Variants in OR2L13 observed in about 807,000 individuals in gnomAD.
The protein encoded by OR2L13 is olfactory receptor 2L13.
A neutral mutation model predicts 15.3 loss-of-function variants in OR2L13; 14 were observed. That is an observed-to-expected ratio of 0.91 (90% CI 0.60 to 1.43). OR2L13 has a LOEUF of 1.43. Ranked by LOEUF, OR2L13 falls within the 40% of genes most tolerant of loss-of-function variation. OR2L13 has a pLI of 0.00. For missense variants in OR2L13, 367 were observed against 387.9 expected, an observed-to-expected ratio of 0.95 and a Z score of 0.45; for synonymous variants, 152 against 142.9, an observed-to-expected ratio of 1.06 and a Z score of -0.45.
At chr1:248,091,515 C>A (rs1367913082), upstream of OR2L13, among the ~76,000 whole-genome samples, 1 of 151,626 alleles carries the variant, frequency 6.6e-6, no homozygotes, top group Admixed American at 6.6e-5. Context: ...GCTAGTTATC[C>A]CAGCACCATT....
At chr1:248,034,533 G>A in the OR2L13 span, among the ~76,000 whole-genome samples, 3 of 152,094 alleles carry the variant, frequency 2.0e-5, no homozygotes, top group Admixed American at 6.6e-5. Context: ...AATTTTCATA[G>A]ATTCCATTGA....
the OR2L13 span, among the ~76,000 whole-genome samples, chr1:248,050,776 T>C: frequency 7.2e-5 from 11 of 152,180 alleles, no homozygotes; most frequent in African/African-American, 2.4e-4. Flanking sequence ...GTAATATAAA[T>C]TACGGAGTAT....
At chr1:248,095,443 A>G (rs1338875858), upstream of OR2L13, among the ~76,000 whole-genome samples, 1 of 151,942 alleles carries the variant, frequency 6.6e-6, no homozygotes, top group Non-Finnish European at 1.5e-5. Flanking sequence ...GATAAAGAAG[A>G]GATTCTCACT....
At chr1:248,095,607 C>CT (rs780686820), upstream of OR2L13, among the ~76,000 whole-genome samples, 99 of 37,304 alleles carry the variant, frequency 2.7e-3, 24 homozygotes, top group African/African-American at 5.0e-3. Context: ...AAAGCTGCTG[C>CT]TTTTTTTTTT....
At chr1:248,029,410 T>C in the OR2L13 span, among the ~76,000 whole-genome samples, 4 of 152,008 alleles carry the variant, frequency 2.6e-5, no homozygotes, top group Non-Finnish European at 4.4e-5. Flanking sequence ...AAATAAGAAA[T>C]TTGAGAACAT....
At chr1:247,982,373 A>G in the OR2L13 span, among the ~76,000 whole-genome samples, 1 of 152,242 alleles carries the variant, frequency 6.6e-6, no homozygotes, top group East Asian at 1.9e-4. Flanking sequence ...TAGTTGAAAA[A>G]TCTTTGTCTT....
At chr1:248,084,121 C>T in the OR2L13 span, 6 of 1,611,748 alleles carry the variant, frequency 3.7e-6, no homozygotes, top group Admixed American at 8.3e-5. Flanking sequence ...AGGGTAGCAA[C>T]AGCCTGCAGG....
At chr1:247,977,488 C>T in the OR2L13 span, among the ~76,000 whole-genome samples, 3 of 151,922 alleles carry the variant, frequency 2.0e-5, no homozygotes, top group Non-Finnish European at 4.4e-5. Flanking sequence ...TTTTAGACAC[C>T]GTCTTACTGT....
At chr1:248,040,797 G>A in the OR2L13 span, 1 of 152,082 alleles carries the variant, frequency 6.6e-6, no homozygotes, top group Non-Finnish European at 1.5e-5. Context: ...CTACTGCTTG[G>A]CGGTCAGTGA....
chr1:248,055,994 G>T, the OR2L13 span: 1 of 152,218 alleles, frequency 6.6e-6, no homozygotes, highest in Non-Finnish European at 1.5e-5. Context: ...CTGGTTCAGT[G>T]TTGGGAAGGT....
At chr1:248,022,900 G>C in the OR2L13 span, 21 of 1,587,676 alleles carry the variant, frequency 1.3e-5, no homozygotes, top group East Asian at 2.2e-5. Context: ...TACGTTCTGT[G>C]TTAGAGTCAA....
chr1:248,015,537 C>T, the OR2L13 span, among the ~76,000 whole-genome samples: 2 of 152,152 alleles, frequency 1.3e-5, no homozygotes, highest in Non-Finnish European at 2.9e-5. Context: ...CTGACCCTGT[C>T]ACCTGTTTTA....
At chr1:247,942,397 G>A in the OR2L13 span, among the ~76,000 whole-genome samples, 1 of 152,042 alleles carries the variant, frequency 6.6e-6, no homozygotes, top group Non-Finnish European at 1.5e-5. Context: ...CTGAATTCCA[G>A]TGGGTCCACG....
At chr1:248,072,769 C>A in the OR2L13 span, among the ~76,000 whole-genome samples, 1 of 151,170 alleles carries the variant, frequency 6.6e-6, no homozygotes, top group Non-Finnish European at 1.5e-5. Flanking sequence ...AGACCTCAAA[C>A]AAATTTACAA....
chr1:248,073,700 A>G, the OR2L13 span, among the ~76,000 whole-genome samples: 101 of 151,858 alleles, frequency 6.7e-4, no homozygotes, highest in African/African-American at 2.3e-3. Context: ...TTAGCTTGCT[A>G]GTGGGTACAA....
the OR2L13 span, among the ~76,000 whole-genome samples, chr1:248,059,622 G>T: frequency 6.6e-6 from 1 of 152,170 alleles, no homozygotes; most frequent in Admixed American, 6.6e-5. Context: ...ATTCCTTCTG[G>T]ATTTCTAAAT....
At chr1:248,030,791 T>A in the OR2L13 span, among the ~76,000 whole-genome samples, 2 of 152,162 alleles carry the variant, frequency 1.3e-5, no homozygotes, top group Admixed American at 1.3e-4. Context: ...TTAAAACCAA[T>A]GGAATCACGG....
At chr1:248,004,931 T>A in the OR2L13 span, among the ~76,000 whole-genome samples, 839 of 152,288 alleles carry the variant, frequency 5.5e-3, 12 homozygotes, top group Middle Eastern at 0.024. Context: ...AGATTCTGCA[T>A]GTTCTCACTC....
the OR2L13 span, among the ~76,000 whole-genome samples, chr1:248,025,465 A>G: frequency 3.4e-5 from 5 of 149,222 alleles, no homozygotes; most frequent in African/African-American, 1.0e-4. Context: ...GCTGGAGAGG[A>G]TGTGGAGAAA....
Sources: gnomAD v4.1 joint callset for allele counts (sites outside exome capture counted in the v4.1 genomes callset) on GRCh38, gnomAD v4.1.1 for gene constraint, MANE v1.5 for transcripts, NCBI Gene and HGNC (gene_info 2026-07-23, HGNC 2026-07-21) for gene names.